Variants in PPCS observed in about 807,000 individuals in gnomAD.
PPCS encodes phosphopantothenate--cysteine ligase.
A neutral mutation model predicts 24.6 loss-of-function variants in PPCS; 17 were observed. That is an observed-to-expected ratio of 0.69 (90% CI 0.47 to 1.04). The LOEUF is 1.04. Among genes scored for constraint, PPCS ranks in the 50% least tolerant of loss-of-function variants. The pLI, the probability that PPCS is intolerant of heterozygous loss-of-function variation, is 0.00. For missense variants in PPCS, 360 were observed against 402.8 expected, an observed-to-expected ratio of 0.89 and a Z score of 0.91; for synonymous variants, 190 against 168.3, an observed-to-expected ratio of 1.13 and a Z score of -1.00.
At chr1:42,456,350 C>G, upstream of PPCS, 1 of 628,544 alleles carries the variant, frequency 1.6e-6, no homozygotes, top group Non-Finnish European at 2.7e-6. Context: ...CAGATGCCCA[C>G]CCAGCCGGGG....
rs761605051 is a variant in PPCS, at chr1:42,456,769, C to T, written c.204C>T (p.Thr68=). 6.2e-7 allele frequency: 1 copy of T among 1,612,542 alleles called. No individual in the cohort carries two copies. The highest frequency in any genetic ancestry group is 8.5e-7 in the Non-Finnish European group (1 of 1,179,896). The change falls in exon 1 of 3, where the codon ACC becomes ACT. Residue 68 remains threonine (T), a synonymous_variant. Coordinates refer to ENST00000372561, the MANE Select transcript of PPCS (RefSeq NM_024664.4). ...TCAGCAGCGGGCGGCGCGGTGCAAC[C>T]TCGGCCGAGGCCTTCCTAGCCGCCG... ...DNFSSGRRGA[T]SAEAFLAAGY... is the part of the protein sequence containing the mutation.
chr1:42,471,074 G>A (rs960160873), intron 2 of PPCS, among the ~76,000 whole-genome samples: 7 of 152,178 alleles, frequency 4.6e-5, no homozygotes, highest in Non-Finnish European at 1.5e-5. Flanking sequence ...TGTTGATAAG[G>A]ACTCAGGTGT....
At chr1:42,457,549 G>A (rs1379122351) in intron 2 of PPCS, 199 bp downstream of exon 2, 2 of 599,144 alleles carry the variant, frequency 3.3e-6, no homozygotes, top group Non-Finnish European at 5.9e-6. Context: ...AATACAGAGT[G>A]ATAAATGCTC....
chr1:42,471,619 G>A (rs1327546177), intron 2 of PPCS, among the ~76,000 whole-genome samples: 2 of 152,134 alleles, frequency 1.3e-5, no homozygotes, highest in African/African-American at 2.4e-5. Flanking sequence ...ACAAATAACT[G>A]TATGATGCTC....
downstream of PPCS, among the ~76,000 whole-genome samples, chr1:42,462,215 G>A (rs1160048604): frequency 6.6e-6 from 1 of 152,150 alleles, no homozygotes; most frequent in Non-Finnish European, 1.5e-5. Context: ...AAAAATTCCA[G>A]GGGGGTGGGG....
chr1:42,456,561 T>A lies in PPCS; in HGVS notation c.-5T>A, dbSNP rs777279599. 2.0e-6 allele frequency: 3 copies of A among 1,470,010 alleles called. No homozygotes were observed. Among genetic ancestry groups the A allele is most frequent in the African/African-American group, 2.9e-5 (2 of 69,862 alleles). 91.1% of individuals were successfully genotyped at this position (1,470,010 alleles called of 1,614,324 possible). A position where few individuals can be genotyped will look rare whatever the true frequency, so the allele number is the denominator to read the frequency against. ...CGTGCGCAGGCGCCGGCCGCTGCGC[T>A]GCAGATGGCGGAAATGGATCCGGTA... On this transcript the variant is annotated 5_prime_UTR_variant, in exon 1 of 3. Coordinates refer to ENST00000372561, the MANE Select transcript of PPCS (RefSeq NM_024664.4).
At chr1:42,465,699 G>C (rs142982554), downstream of PPCS, among the ~76,000 whole-genome samples, 124 of 152,176 alleles carry the variant, frequency 8.1e-4, 2 homozygotes, top group Non-Finnish European at 1.2e-3. Flanking sequence ...AGTGGGGTGG[G>C]GTTTTGCCCC....
intron 2 of PPCS, among the ~76,000 whole-genome samples, chr1:42,471,430 C>T (rs986096383): frequency 6.6e-6 from 1 of 152,186 alleles, no homozygotes; most frequent in Non-Finnish European, 1.5e-5. Context: ...GAGGTATTTG[C>T]TTCCAGTCTT....
Position 42,456,805 on chromosome 1 carries a change from C to G in PPCS, c.240C>G (p.Val80=), listed in dbSNP as rs777953383. 6.2e-6 allele frequency: 10 copies of G among 1,613,262 alleles called. No homozygotes were observed. Among genetic ancestry groups the G allele is most frequent in the Non-Finnish European group, 7.6e-6 (9 of 1,180,036 alleles). The stretch of plus-strand genomic sequence containing the variant: ...CCTTCCTAGCCGCCGGCTACGGGGT[C>G]CTGTTCTTGTATCGCGCTCGCTCTG... ...AEAFLAAGYG[V]LFLYRARSAF... Residue 80 remains valine (V), a synonymous_variant, in exon 1 of 3, where the codon GTC becomes GTG. Coordinates refer to ENST00000372561, the MANE Select transcript of PPCS (RefSeq NM_024664.4).
chr1:42,471,088 C>A (rs1428379643), intron 2 of PPCS, among the ~76,000 whole-genome samples: 1 of 152,086 alleles, frequency 6.6e-6, no homozygotes, highest in Non-Finnish European at 1.5e-5. Flanking sequence ...CAGGTGTAGC[C>A]ATGAGGATGG....
At chr1:42,466,520 G>A (rs992476068) in intron 2 of PPCS, among the ~76,000 whole-genome samples, 2 of 151,602 alleles carry the variant, frequency 1.3e-5, no homozygotes, top group African/African-American at 2.4e-5. Context: ...TATCTACTTT[G>A]GACAGAATAG....
intron 2 of PPCS, among the ~76,000 whole-genome samples, chr1:42,458,822 A>G (rs945921819): frequency 2.6e-5 from 4 of 152,218 alleles, no homozygotes; most frequent in Non-Finnish European, 4.4e-5. Context: ...GTCAAGTGAA[A>G]ATAAAATCAG....
At chr1:42,459,369 G>A in intron 2 of PPCS, 3 of 509,790 alleles carry the variant, frequency 5.9e-6, no homozygotes, top group East Asian at 3.2e-5. Context: ...TTGCCATGTT[G>A]CCCAGGCTGG....
chr1:42,457,451 G>T, intron 2 of PPCS, 101 bp downstream of exon 2: 11 of 996,774 alleles, frequency 1.1e-5, no homozygotes, highest in Admixed American at 1.8e-5. Flanking sequence ...GTATTCGCTA[G>T]GCACAGGGGA....
At chr1:42,457,449 T>A in intron 2 of PPCS, 99 bp downstream of exon 2, 1 of 1,020,874 alleles carries the variant, frequency 9.8e-7, no homozygotes, top group Non-Finnish European at 1.5e-6. Flanking sequence ...CTGTATTCGC[T>A]AGGCACAGGG....
In PPCS at chr1:42,459,773, G is replaced by T; in HGVS notation, c.783G>T (p.Glu261Asp). 1.2e-6 allele frequency: 2 copies of T among 1,614,186 alleles called. No individual in the cohort carries two copies. Among genetic ancestry groups the T allele is most frequent in the Non-Finnish European group, 1.7e-6 (2 of 1,180,030 alleles). The change falls in exon 3 of 3, where the codon GAG (glutamate) becomes GAT (aspartate). Residue 261 changes from glutamate (E) to aspartate (D), a missense_variant. Physicochemically the swap from Glu to Asp is conservative, Grantham distance 45 (BLOSUM62 2). This residue lies in a region of PPCS where 116 missense variants were observed against 168.1 expected (regional missense o/e 0.69). Coordinates refer to ENST00000372561, the MANE Select transcript of PPCS (RefSeq NM_024664.4). ...AAGTGGTGGTGGCTAATATCCTTGA[G>T]TCACGACAGTCCTTTGTGTTTATTG... is the stretch of plus-strand genomic sequence containing the variant. ...QHQVVVANIL[E>D]SRQSFVFIVT...
At chr1:42,472,996 T>C (rs1359172731) in intron 2 of PPCS, 5 of 819,534 alleles carry the variant, frequency 6.1e-6, no homozygotes, top group African/African-American at 1.8e-5. Context: ...ACTAGCTTTC[T>C]ATTGCTAGTA....
At chr1:42,463,074 C>T (rs1215230609), downstream of PPCS, among the ~76,000 whole-genome samples, 1 of 152,252 alleles carries the variant, frequency 6.6e-6, no homozygotes, top group Non-Finnish European at 1.5e-5. Context: ...AAACGCTCGA[C>T]ATGTTACCAT....
At position 42,456,800 on chromosome 1, in the gene PPCS, G is replaced by C. The variant is rs1482161724; in HGVS notation, c.235G>C (p.Gly79Arg). 1.2e-6 allele frequency: 2 copies of C among 1,613,302 alleles called. No individual in the cohort carries two copies. Among genetic ancestry groups the C allele is most frequent in the Non-Finnish European group, 1.7e-6 (2 of 1,180,030 alleles). The change falls in exon 1 of 3, where the codon GGG becomes CGG. Residue 79 changes from glycine to arginine, a missense_variant. By Grantham distance (125) the Gly-to-Arg change is moderately radical (BLOSUM62 -2). Transcript: ENST00000372561. ...CGAGGCCTTCCTAGCCGCCGGCTAC[G>C]GGGTCCTGTTCTTGTATCGCGCTCG... is the stretch of plus-strand genomic sequence containing the variant. ...SAEAFLAAGY[G>R]VLFLYRARSA...
Sources: gnomAD v4.1 joint callset for allele counts (sites outside exome capture counted in the v4.1 genomes callset) on GRCh38, gnomAD v4.1.1 for gene constraint, gnomAD v4.1.1 regional missense constraint, MANE v1.5 for transcripts, NCBI Gene and HGNC (gene_info 2026-07-23, HGNC 2026-07-21) for gene names.